Variants in CFAP97D2 observed in about 807,000 individuals in gnomAD.
The protein encoded by CFAP97D2 is uncharacterized protein CFAP97D2.
intron 1 of CFAP97D2, among the ~76,000 whole-genome samples, chr13:114,182,073 G>A (rs2080835020): frequency 6.6e-6 from 1 of 152,048 alleles, no homozygotes; most frequent in South Asian, 2.1e-4. Context: ...ACCGGTCTCT[G>A]AGTTCCCTCA....
At chr13:114,204,248 A>G (rs2080930105) in intron 3 of CFAP97D2, among the ~76,000 whole-genome samples, 1 of 152,238 alleles carries the variant, frequency 6.6e-6, no homozygotes, top group Non-Finnish European at 1.5e-5. Flanking sequence ...CAGTACCAAT[A>G]ACACCAAAGC....
At chr13:114,222,695 G>T, downstream of CFAP97D2, 1 of 394,390 alleles carries the variant, frequency 2.5e-6, no homozygotes, top group Admixed American at 4.4e-5. This position sits in a 1 kb window ranked among gnomAD's most constrained non-coding sequence, Gnocchi z 4.4. Context: ...TGGGGAATCA[G>T]CCTTGCCCAG....
chr13:114,182,269 T>C (rs1031601516), intron 1 of CFAP97D2, among the ~76,000 whole-genome samples: 9 of 151,626 alleles, frequency 5.9e-5, no homozygotes, highest in Non-Finnish European at 1.0e-4. Flanking sequence ...CGCCCAAACA[T>C]CTCAGTGGAG....
intron 3 of CFAP97D2, among the ~76,000 whole-genome samples, chr13:114,202,191 A>G (rs2080921178): frequency 6.6e-6 from 1 of 152,232 alleles, no homozygotes; most frequent in Admixed American, 6.5e-5. Context: ...GTGTTTATCC[A>G]TTCACCTGTT....
At chr13:114,208,736 T>G (rs2080952818) in intron 3 of CFAP97D2, among the ~76,000 whole-genome samples, 2 of 152,234 alleles carry the variant, frequency 1.3e-5, no homozygotes, top group Admixed American at 1.3e-4. Flanking sequence ...CTGAATTCTA[T>G]CCATGGTTTT....
chr13:114,215,613 T>C (rs1187178687), intron 4 of CFAP97D2: 1 of 152,210 alleles, frequency 6.6e-6, no homozygotes, highest in Non-Finnish European at 1.5e-5. Context: ...GAGATCAATG[T>C]TTATTTTTTC....
chr13:114,209,984 TC>T (rs1286543450), intron 3 of CFAP97D2, among the ~76,000 whole-genome samples: 1 of 152,214 alleles, frequency 6.6e-6, no homozygotes, highest in African/African-American at 2.4e-5. Context: ...TTTTTATTGT[TC>T]CTGATTATAA....
intron 2 of CFAP97D2, among the ~76,000 whole-genome samples, chr13:114,196,810 C>T (rs912354733): frequency 3.9e-5 from 6 of 152,184 alleles, no homozygotes; most frequent in Non-Finnish European, 8.8e-5. Context: ...GGTCAAGATA[C>T]AGCTTGGTTT....
intron 4 of CFAP97D2, among the ~76,000 whole-genome samples, chr13:114,219,395 T>C (rs957809620): frequency 1.3e-5 from 2 of 152,206 alleles, no homozygotes; most frequent in Non-Finnish European, 2.9e-5. Context: ...ACTATTGAGT[T>C]TTTCCTCAGC....
At chr13:114,200,527 G>C in intron 3 of CFAP97D2, 84 bp downstream of exon 3, 1 of 396,968 alleles carries the variant, frequency 2.5e-6, no homozygotes, top group Non-Finnish European at 4.4e-6. Flanking sequence ...CAGAAGAGCT[G>C]CCCGTGGGTG....
At chr13:114,182,183 G>A (rs898077576) in intron 1 of CFAP97D2, among the ~76,000 whole-genome samples, 1 of 141,798 alleles carries the variant, frequency 7.1e-6, no homozygotes, top group Admixed American at 6.9e-5. Flanking sequence ...GTGAGCAAAA[G>A]AGTCTATGTC....
intron 3 of CFAP97D2, among the ~76,000 whole-genome samples, chr13:114,206,093 T>A (rs2080938782): frequency 6.7e-6 from 1 of 150,072 alleles, no homozygotes; most frequent in Admixed American, 6.7e-5. Context: ...ACAGTAGCTT[T>A]TTTTCTTTTC....
At chr13:114,219,126 C>T (rs535580771) in intron 4 of CFAP97D2, among the ~76,000 whole-genome samples, 2 of 152,338 alleles carry the variant, frequency 1.3e-5, no homozygotes, top group East Asian at 3.9e-4. Flanking sequence ...GCAATCTACT[C>T]ATCTGACAAA....
chr13:114,179,931 A>T lies in CFAP97D2; in HGVS notation c.90+511A>T, dbSNP rs2080826450. Among the ~76,000 whole-genome samples the T allele has an allele frequency of 6.6e-6, 1 of 152,188 alleles. No individual in the cohort carries two copies. Among genetic ancestry groups the T allele is most frequent in the Non-Finnish European group, 1.5e-5 (1 of 68,032 alleles). ...CTCCCAAAGTGCTGGGATTACAGGC[A>T]TGAGCCACCGTGCCCGGCCCGGCAT... is the stretch of plus-strand genomic sequence containing the variant. On this transcript the variant is annotated intron_variant, in intron 1 of 4. Coordinates refer to ENST00000646158, the Ensembl canonical transcript of CFAP97D2. This position sits in a 1 kb window ranked among gnomAD's most constrained non-coding sequence, Gnocchi z 4.8.
intron 3 of CFAP97D2, among the ~76,000 whole-genome samples, chr13:114,209,396 T>C (rs115266580): frequency 2.9e-3 from 435 of 152,342 alleles, no homozygotes; most frequent in African/African-American, 9.6e-3. Context: ...CTGCCTGGAA[T>C]AATAACAAAG....
At chr13:114,180,366 G>A (rs756064224) in intron 1 of CFAP97D2, among the ~76,000 whole-genome samples, 10 of 152,090 alleles carry the variant, frequency 6.6e-5, no homozygotes, top group Non-Finnish European at 1.2e-4. Context: ...ATTGCAAGGC[G>A]CCATAGCACC....
At chr13:114,217,562 G>C (rs932557347) in intron 4 of CFAP97D2, among the ~76,000 whole-genome samples, 1 of 152,162 alleles carries the variant, frequency 6.6e-6, no homozygotes, top group Non-Finnish European at 1.5e-5. Context: ...GCCTGGCAGA[G>C]ACACAACAAA....
At chr13:114,182,202 G>A (rs1265771235) in intron 1 of CFAP97D2, among the ~76,000 whole-genome samples, 1 of 143,694 alleles carries the variant, frequency 7.0e-6, no homozygotes, top group Non-Finnish European at 1.5e-5. Flanking sequence ...TCGTAATTAA[G>A]TTCAAGGGAA....
intron 4 of CFAP97D2, chr13:114,212,347 CTGAT>C (rs1433993009): frequency 6.1e-6 from 2 of 329,064 alleles, no homozygotes; most frequent in Admixed American, 4.9e-5. Context: ...ATAAGCTCAG[CTGAT>C]TGATTGTAGA....
Sources: gnomAD v4.1 joint callset for allele counts (sites outside exome capture counted in the v4.1 genomes callset) on GRCh38, gnomAD v4.1.1 for gene constraint, Gnocchi (gnomAD v3.1) non-coding constraint, MANE v1.5 for transcripts, NCBI Gene and HGNC (gene_info 2026-07-23, HGNC 2026-07-21) for gene names.